The following SYT9 variants were observed in gnomAD, a reference collection of about 807,000 sequenced individuals.
SYT9 encodes synaptotagmin-9.
SYT9 carries 22 observed loss-of-function variants against 48.4 expected under a neutral mutation model. The ratio of observed to expected loss-of-function variants is 0.45; its 90% confidence interval spans 0.32 to 0.65. The LOEUF is 0.65. Among genes scored for constraint, SYT9 ranks in the 30% least tolerant of loss-of-function variants. The pLI is 0.03. For synonymous variants in SYT9, 265 were observed against 245.0 expected (o/e 1.08, Z -0.76); for missense variants, 577 against 622.0 (o/e 0.93, Z 0.77).
At chr11:7,350,366 A>C (rs887984402) in intron 3 of SYT9, among the ~76,000 whole-genome samples, 8 of 152,308 alleles carry the variant, frequency 5.3e-5, no homozygotes, top group African/African-American at 1.4e-4. Flanking sequence ...AAAGACTAGC[A>C]CTGTCTCCAA....
At chr11:7,358,556 A>G (rs544715310) in intron 3 of SYT9, among the ~76,000 whole-genome samples, 4 of 152,196 alleles carry the variant, frequency 2.6e-5, no homozygotes, top group Non-Finnish European at 5.9e-5. Flanking sequence ...GTGTTTCATC[A>G]TTAAGAATGA....
chr11:7,335,136 A>C (rs567603489), intron 3 of SYT9, among the ~76,000 whole-genome samples: 2 of 152,334 alleles, frequency 1.3e-5, no homozygotes, highest in East Asian at 3.9e-4. Context: ...TCTCACCAGC[A>C]CTTGGTAGAG....
At chr11:7,373,837 T>C (rs1282710779) in intron 3 of SYT9, among the ~76,000 whole-genome samples, 2 of 152,134 alleles carry the variant, frequency 1.3e-5, no homozygotes, top group Non-Finnish European at 2.9e-5. Flanking sequence ...ATTGTTGTAA[T>C]TGGGACACTT....
At chr11:7,458,672 C>A (rs12295153) in intron 6 of SYT9, among the ~76,000 whole-genome samples, 3 of 151,906 alleles carry the variant, frequency 2.0e-5, no homozygotes, top group East Asian at 3.9e-4. Flanking sequence ...CAGAAATACA[C>A]GCTAAGGGAA....
At chr11:7,448,464 CG>C (rs940303295) in intron 6 of SYT9, among the ~76,000 whole-genome samples, 2 of 152,340 alleles carry the variant, frequency 1.3e-5, no homozygotes, top group African/African-American at 4.8e-5. Context: ...CAAGGCGGAA[CG>C]GGGTAGCAGC....
intron 6 of SYT9, among the ~76,000 whole-genome samples, chr11:7,449,999 G>A (rs1209598333): frequency 6.6e-6 from 1 of 152,044 alleles, no homozygotes; most frequent in Non-Finnish European, 1.5e-5. Context: ...CGCCTCCCAA[G>A]CAGGCATGCT....
chr11:7,375,187 A>G (rs998321102), intron 3 of SYT9, among the ~76,000 whole-genome samples: 5 of 152,300 alleles, frequency 3.3e-5, no homozygotes, highest in Admixed American at 3.3e-4. Flanking sequence ...TCCTTTCCCC[A>G]TTACTTGCTT....
intron 1 of SYT9, among the ~76,000 whole-genome samples, chr11:7,271,200 C>T (rs1848290338): frequency 6.6e-6 from 1 of 151,962 alleles, no homozygotes; most frequent in Non-Finnish European, 1.5e-5. Flanking sequence ...ATTTTGGCTC[C>T]AAGCCCACTT....
intron 1 of SYT9, among the ~76,000 whole-genome samples, chr11:7,284,650 A>G (rs1052103188): frequency 1.3e-5 from 2 of 151,826 alleles, no homozygotes; most frequent in African/African-American, 4.8e-5. Context: ...ATTTCATAGC[A>G]GTGTGTCTGG....
intron 3 of SYT9, among the ~76,000 whole-genome samples, chr11:7,381,792 C>T (rs1487871): frequency 0.87 from 132,440 of 152,160 alleles, 58,086 homozygotes; most frequent in Non-Finnish European, 0.93. Context: ...ATTACACTTA[C>T]TGTCATTAAA....
At chr11:7,311,138 A>G (rs925410499) in intron 2 of SYT9, among the ~76,000 whole-genome samples, 1 of 152,176 alleles carries the variant, frequency 6.6e-6, no homozygotes, top group Non-Finnish European at 1.5e-5. Context: ...CCCTGTCTCT[A>G]CTAAAAATAC....
intron 3 of SYT9, among the ~76,000 whole-genome samples, chr11:7,329,841 T>C (rs1474688825): frequency 6.6e-6 from 1 of 152,130 alleles, no homozygotes; most frequent in Non-Finnish European, 1.5e-5. Flanking sequence ...CACCATCTCA[T>C]TTAGTCACAC....
chr11:7,268,334 A>G (rs928576094), intron 1 of SYT9, among the ~76,000 whole-genome samples: 2 of 151,974 alleles, frequency 1.3e-5, no homozygotes, highest in African/African-American at 4.8e-5. Flanking sequence ...GAAAGGTTTA[A>G]CAATTCATAT....
At chr11:7,339,400 A>G (rs1849678956) in intron 3 of SYT9, among the ~76,000 whole-genome samples, 1 of 152,050 alleles carries the variant, frequency 6.6e-6, no homozygotes, top group Admixed American at 6.6e-5. Flanking sequence ...CATTGTGTTG[A>G]TAGCTGGTTG....
intron 3 of SYT9, among the ~76,000 whole-genome samples, chr11:7,403,858 G>T (rs147764524): frequency 6.6e-6 from 1 of 152,006 alleles, no homozygotes; most frequent in African/African-American, 2.4e-5. Context: ...GTGTTATTTA[G>T]GTATTCAAAT....
At chr11:7,376,374 C>CCTT (rs1564882075) in intron 3 of SYT9, among the ~76,000 whole-genome samples, 5,063 of 118,662 alleles carry the variant, frequency 0.043, 317 homozygotes, top group African/African-American at 0.15. Flanking sequence ...CCTTCCTCCT[C>CCTT]CCCTCCCCTC....
chr11:7,341,942 T>C (rs1849720589), intron 3 of SYT9, among the ~76,000 whole-genome samples: 1 of 152,148 alleles, frequency 6.6e-6, no homozygotes, highest in Non-Finnish European at 1.5e-5. Flanking sequence ...AAGGCATGGC[T>C]TTATGGCAAG....
chr11:7,268,919 T>C (rs1178492691), intron 1 of SYT9, among the ~76,000 whole-genome samples: 1 of 152,128 alleles, frequency 6.6e-6, no homozygotes, highest in Non-Finnish European at 1.5e-5. Context: ...ACTAATCTAC[T>C]TTCTGTCTCT....
chr11:7,415,231 C>T (rs562856114), intron 3 of SYT9, among the ~76,000 whole-genome samples: 4 of 152,230 alleles, frequency 2.6e-5, no homozygotes, highest in Admixed American at 2.6e-4. Context: ...GGAGGCTGTG[C>T]GGGACTAGGC....
Sources: allele counts gnomAD v4.1 joint callset (sites outside exome capture counted in the v4.1 genomes callset), GRCh38; gene constraint gnomAD v4.1.1; transcripts MANE v1.5; gene names NCBI Gene and HGNC (gene_info 2026-07-23, HGNC 2026-07-21).